Variants in ARSL observed in about 807,000 individuals in gnomAD.
ARSL encodes arylsulfatase E (chondrodysplasia punctata 1).
ARSL carries 4 observed loss-of-function variants against 31.1 expected under a neutral mutation model. The ratio of observed to expected loss-of-function variants is 0.13; its 90% CI spans 0.06 to 0.29. The LOEUF (loss-of-function observed/expected upper bound fraction) is 0.29, where lower values mean the gene tolerates loss of function less well. ARSL is among the 10% of genes least tolerant of loss of function. The pLI is 1.00. For missense variants in ARSL, 312 were observed against 497.8 expected (o/e 0.63, Z 3.55); for synonymous variants, 198 against 209.9 (o/e 0.94, Z 0.49).
chrX:2,949,826 TG>T, intron 5 of ARSL, 99 bp from the exon 6 acceptor site: 2 of 954,195 alleles, frequency 2.1e-6, no homozygotes, highest in Non-Finnish European at 1.5e-6. Flanking sequence ...TGTTAGACAC[TG>T]GGGGGCCAGG....
At chrX:2,952,005 C>T (rs1400118241) in intron 5 of ARSL, among the ~76,000 whole-genome samples, 1 of 109,925 alleles carries the variant, frequency 9.1e-6, no homozygotes, top group Admixed American at 9.9e-5. Flanking sequence ...ATAAATGGAA[C>T]TGTTGATAAC....
chrX:2,942,587 C>T (rs1374679543), intron 8 of ARSL, among the ~76,000 whole-genome samples: 2 of 111,996 alleles, frequency 1.8e-5, no homozygotes, highest in African/African-American at 6.5e-5. Flanking sequence ...CCACCGTGCC[C>T]GGCCACCTGG....
At chrX:2,944,969 AAGG>A (rs760179342) in intron 7 of ARSL, among the ~76,000 whole-genome samples, 47 of 108,964 alleles carry the variant, frequency 4.3e-4, no homozygotes, top group South Asian at 2.0e-3. Flanking sequence ...GAGGAAGAAG[AAGG>A]AGGAGGAGGA....
At chrX:2,967,620 T>C (rs1322708652), upstream of ARSL, among the ~76,000 whole-genome samples, 2 of 111,712 alleles carry the variant, frequency 1.8e-5, no homozygotes, top group African/African-American at 6.5e-5. Flanking sequence ...TAGAATACAG[T>C]AAAATATAAT....
intron 6 of ARSL, among the ~76,000 whole-genome samples, chrX:2,947,475 GT>G (rs2089401597): frequency 8.9e-6 from 1 of 112,412 alleles, no homozygotes. Context: ...GGCATATTGG[GT>G]TATTCATATT....
At chrX:2,955,344 A>G in intron 4 of ARSL, 72 bp downstream of exon 4, 2 of 1,177,775 alleles carry the variant, frequency 1.7e-6, no homozygotes, top group South Asian at 3.7e-5. Flanking sequence ...TAAAAAAACC[A>G]AAATGTAAGA....
chrX:2,948,401 G>A (rs1382873855), intron 6 of ARSL, among the ~76,000 whole-genome samples: 1 of 111,620 alleles, frequency 9.0e-6, no homozygotes, highest in Non-Finnish European at 1.9e-5. Flanking sequence ...TGATTATAAA[G>A]CCCTTCAGGT....
At chrX:2,938,378 A>G in intron 8 of ARSL, 121 bp from the exon 9 acceptor site, 3 of 878,608 alleles carry the variant, frequency 3.4e-6, no homozygotes, top group Non-Finnish European at 4.7e-6. Context: ...GAGTCTCTCA[A>G]TTTCTCTCTC....
At position 2,936,748 on chromosome X, in the gene ARSL, G is replaced by A. The variant is rs761977883; in HGVS notation, c.1405C>T (p.Arg469Trp). ...AAGGGGCTCCCCTACTCACTGTCCC[G>A]TTGATGCCACCTGGCTGCGTGCAGA... ...RFLHAARWHQRDRGTMWKVHF... is the reference protein window; with the variant it reads ...RFLHAARWHQWDRGTMWKVHF... The change falls in exon 10 of 11, where the codon CGG becomes TGG. Residue 469 changes from arginine to tryptophan, a missense_variant. Physicochemically the swap from Arg to Trp is moderately radical, Grantham distance 101 (BLOSUM62 -3). Transcript: ENST00000381134. The A allele has an allele frequency of 2.7e-5, 33 of 1,209,409 alleles. No homozygotes were observed. The Admixed American group carries it at 5.0e-4, about 18-fold the overall frequency.
chrX:2,957,578 G>C (rs1489748065), intron 3 of ARSL, among the ~76,000 whole-genome samples: 1 of 108,927 alleles, frequency 9.2e-6, no homozygotes, highest in Non-Finnish European at 1.9e-5. Context: ...GCATGGTGGC[G>C]GGCGCCTGTA....
At chrX:2,958,548 G>T in intron 2 of ARSL, 113 bp from the exon 3 acceptor site, 1 of 861,719 alleles carries the variant, frequency 1.2e-6, no homozygotes, top group Non-Finnish European at 1.7e-6. Context: ...TTTCAGAATA[G>T]CTTTGAGGAC....
chrX:2,957,606 G>A (rs778156658), intron 3 of ARSL, among the ~76,000 whole-genome samples: 11 of 108,539 alleles, frequency 1.0e-4, no homozygotes, highest in Admixed American at 2.0e-4. Flanking sequence ...CTACTCTGGA[G>A]AGTAAGGCAG....
intron 2 of ARSL, chrX:2,959,810 C>T (rs946056185): frequency 1.7e-5 from 15 of 898,653 alleles, no homozygotes; most frequent in South Asian, 6.4e-5. Context: ...TATCTGAGCA[C>T]GTTGGGAGGC....
At chrX:2,966,764 CAT>C (rs776340925), upstream of ARSL, among the ~76,000 whole-genome samples, 10 of 108,466 alleles carry the variant, frequency 9.2e-5, no homozygotes, top group South Asian at 1.9e-3. Context: ...ATACATAAAA[CAT>C]GTACATATAC....
intron 5 of ARSL, chrX:2,952,793 G>A (rs2089479693): frequency 5.8e-6 from 1 of 171,667 alleles, no homozygotes; most frequent in Non-Finnish European, 1.1e-5. Context: ...CCATAGGCAT[G>A]AGCACATTTT....
At chrX:2,960,759 T>G (rs1291984254) in intron 1 of ARSL, among the ~76,000 whole-genome samples, 1 of 111,171 alleles carries the variant, frequency 9.0e-6, no homozygotes, top group Non-Finnish European at 1.9e-5. Flanking sequence ...AATCCCAGTG[T>G]CCGGAAGCAG....
At position 2,961,253 on chromosome X, in the gene ARSL, G is replaced by C. The variant is rs145465933; in HGVS notation, c.-20-833C>G. Among the ~76,000 whole-genome samples the C allele has an allele frequency of 7.5e-3, 840 of 111,472 alleles. 9 individuals carry two copies. The highest frequency in any genetic ancestry group is 0.026 in the African/African-American group (796 of 30,694). ...CTCAGTCTCGCCGAGAAGTGAGGGAGAGCCCAGGGTGTAGAGCAGGAAAGG... is the reference window on the plus strand; with the variant it reads ...CTCAGTCTCGCCGAGAAGTGAGGGACAGCCCAGGGTGTAGAGCAGGAAAGG... On this transcript the variant is annotated intron_variant, in intron 1 of 10. Transcript: ENST00000381134.
intron 2 of ARSL, chrX:2,960,034 C>T (rs2089588243): frequency 9.7e-6 from 2 of 205,329 alleles, no homozygotes; most frequent in Non-Finnish European, 1.7e-5. Flanking sequence ...CTTTGGGAGG[C>T]CGAGGCGGGC....
rs772266338 is a variant in ARSL at position 2,949,636 on chromosome X, AG to A, written c.521del (p.Pro174LeufsTer4). On this transcript the variant is annotated frameshift_variant, in exon 6 of 11. Coordinates refer to ENST00000381134, the MANE Select transcript of ARSL (RefSeq NM_000047.3). LOFTEE classifies it high-confidence loss of function. Reference protein sequence around the residue: ...HHGFDHFYGMPFSLMGDCARW... With the variant: ...HHGFDHFYGMXFSLMGDCARW... ...GGGCGCAATCACCCATCAAGGAGAA[AG>A]GCATTCCGTAGAAATGGTCAAAGCC... 1 of 1,211,622 alleles carries A rather than the reference AG, an allele frequency of 8.3e-7. No individual in the cohort carries two copies. Among genetic ancestry groups the A allele is most frequent in the East Asian group, 3.0e-5 (1 of 33,818 alleles).
Sources: allele counts gnomAD v4.1 joint callset (sites outside exome capture counted in the v4.1 genomes callset), GRCh38; gene constraint gnomAD v4.1.1; transcripts MANE v1.5; gene names NCBI Gene and HGNC (gene_info 2026-07-23, HGNC 2026-07-21).